Variants in CD59 observed in about 807,000 individuals in gnomAD.
CD59 encodes CD59 molecule (CD59 blood group).
Under a neutral mutation model 7.0 loss-of-function variants are expected in CD59, and 3 were observed. The ratio of observed to expected loss-of-function variants is 0.43; its 90% CI spans 0.19 to 1.10. The LOEUF (loss-of-function observed/expected upper bound fraction) is 1.10. Ranked by LOEUF, CD59 falls within the 50% of genes least tolerant of loss-of-function variation. The pLI, the probability that CD59 is intolerant of heterozygous loss-of-function variation, is 0.29. For synonymous variants in CD59, 60 were observed against 62.0 expected (o/e 0.97, Z 0.15); for missense variants, 143 against 151.0 (o/e 0.95, Z 0.28).
At chr11:33,734,525 G>C (rs1854508935) in intron 1 of CD59, among the ~76,000 whole-genome samples, 1 of 152,132 alleles carries the variant, frequency 6.6e-6, no homozygotes, top group Non-Finnish European at 1.5e-5. Context: ...CTGTGTCCAA[G>C]TGTTCTCATT....
At position 33,706,505 on chromosome 11, in the gene CD59, A is replaced by G. The variant is rs1248805828; in HGVS notation, c.*3621T>C. 2.6e-5 allele frequency: 4 copies of G among 151,950 alleles called. No individual in the cohort carries two copies. In the East Asian group the frequency reaches 5.8e-4, roughly 22 times the overall value. The allele number at this position is 151,950 out of a possible 1,614,324, so 9.4% of individuals were successfully genotyped here. ...CAAATGCATTATCTCAAGCCTCACA[A>G]CAATTCTTTGAGGTAGACATAGAAA... On this transcript the variant is annotated 3_prime_UTR_variant, in exon 4 of 4. Transcript: ENST00000642928.
rs1443184058 is a variant in CD59 at position 33,707,553 on chromosome 11, T to G, written c.*2573A>C. 6.6e-5 allele frequency: 10 copies of G among 152,414 alleles called. No individual in the cohort carries two copies. The highest frequency in any genetic ancestry group is 4.6e-4 in the Admixed American group (7 of 15,312). 9.4% of individuals were successfully genotyped at this position (152,414 alleles called of 1,614,324 possible). A position where few individuals can be genotyped will look rare whatever the true frequency, so the allele number is the denominator to read the frequency against. ...CAATGGGCTTATCACCACCCAATAC[T>G]GAACACTATGACAGTTCCTGTAAAT... On this transcript the variant is annotated 3_prime_UTR_variant, in exon 4 of 4. Coordinates refer to ENST00000642928, the MANE Select transcript of CD59 (RefSeq NM_000611.6).
At position 33,708,692 on chromosome 11, in the gene CD59, A is replaced by G. The variant is rs920116101; in HGVS notation, c.*1434T>C. ...AAGGTAATGCTAAGTTTTGATAAGCAAGTTTCTATTTTCCTATGTTCAGGG... is the reference window on the plus strand; with the variant it reads ...AAGGTAATGCTAAGTTTTGATAAGCGAGTTTCTATTTTCCTATGTTCAGGG... On this transcript the variant is annotated 3_prime_UTR_variant, in exon 4 of 4. Coordinates refer to ENST00000642928, the MANE Select transcript of CD59 (RefSeq NM_000611.6). 1.3e-5 allele frequency: 2 copies of G among 152,124 alleles called. No individual in the cohort carries two copies. Among genetic ancestry groups the G allele is most frequent in the African/African-American group, 4.8e-5 (2 of 41,438 alleles). The allele number at this position is 152,124 out of a possible 1,614,324, so 9.4% of individuals were successfully genotyped here. A position where few individuals can be genotyped will look rare whatever the true frequency, so the allele number is the denominator to read the frequency against.
chr11:33,704,808 TCTTCCTGG>T lies in CD59; in HGVS notation c.*5310_*5317del. 6.6e-6 allele frequency: 1 copy of T among 152,556 alleles called. No individual in the cohort carries two copies. Among genetic ancestry groups the T allele is most frequent in the Non-Finnish European group, 1.5e-5 (1 of 68,032 alleles). 9.5% of individuals were successfully genotyped at this position (152,556 alleles called of 1,614,324 possible). A position where few individuals can be genotyped will look rare whatever the true frequency, so the allele number is the denominator to read the frequency against. On this transcript the variant is annotated 3_prime_UTR_variant, in exon 4 of 4. Transcript: ENST00000642928. The stretch of plus-strand genomic sequence containing the variant: ...CACACGGCCTCTAGTCTCCTACCCC[TCTTCCTGG>T]CAGGAGGCTGGCTCTGACAGGAGGT...
At chr11:33,730,727 T>C (rs796387905) in intron 1 of CD59, among the ~76,000 whole-genome samples, 16 of 152,344 alleles carry the variant, frequency 1.1e-4, no homozygotes, top group African/African-American at 3.6e-4. Context: ...AGTATTTTCT[T>C]TATCGTGTTA....
At chr11:33,729,316 CTA>C (rs1466398901) in intron 1 of CD59, among the ~76,000 whole-genome samples, 1 of 152,134 alleles carries the variant, frequency 6.6e-6, no homozygotes, top group African/African-American at 2.4e-5. Flanking sequence ...CCATGGAATA[CTA>C]TGAGTTATAG....
chr11:33,730,134 G>A (rs992879470), intron 1 of CD59, among the ~76,000 whole-genome samples: 3 of 151,998 alleles, frequency 2.0e-5, no homozygotes, highest in Non-Finnish European at 4.4e-5. Flanking sequence ...CTATTATAAA[G>A]TTAAAATGTG....
At chr11:33,711,163 T>C (rs187490727) in intron 3 of CD59, among the ~76,000 whole-genome samples, 4 of 151,540 alleles carry the variant, frequency 2.6e-5, no homozygotes, top group Admixed American at 2.6e-4. Context: ...AGGGAGAAAA[T>C]GTTTGCAAAT....
chr11:33,713,469 T>C (rs893909893), intron 3 of CD59, among the ~76,000 whole-genome samples: 2 of 152,192 alleles, frequency 1.3e-5, no homozygotes, highest in African/African-American at 4.8e-5. Flanking sequence ...GGGATGGGTA[T>C]CTGGATTGGA....
Position 33,704,694 on chromosome 11 carries a change from C to T in CD59, c.*5432G>A, listed in dbSNP as rs1853239260. Reference sequence around the variant, plus strand: ...GAGGGTCGCCGATTAGCATCAGAGCCGGCATTTCAAATAGACAGGCCAGCT... The same window carrying T: ...GAGGGTCGCCGATTAGCATCAGAGCTGGCATTTCAAATAGACAGGCCAGCT... On this transcript the variant is annotated 3_prime_UTR_variant, in exon 4 of 4. Coordinates refer to ENST00000642928, the MANE Select transcript of CD59 (RefSeq NM_000611.6). 1 of 152,268 alleles carries T rather than the reference C, an allele frequency of 6.6e-6. No homozygotes were observed. Among genetic ancestry groups the T allele is most frequent in the Non-Finnish European group, 1.5e-5 (1 of 68,012 alleles). 9.4% of individuals were successfully genotyped at this position (152,268 alleles called of 1,614,324 possible).
At chr11:33,716,838 CT>C (rs1433435318) in intron 3 of CD59, among the ~76,000 whole-genome samples, 1 of 152,184 alleles carries the variant, frequency 6.6e-6, no homozygotes, top group Non-Finnish European at 1.5e-5. Flanking sequence ...CCTACGTGTC[CT>C]TTGAGCTCAG....
rs1366812388 is a variant in CD59 at position 33,709,459 on chromosome 11, T to G, written c.*667A>C. On this transcript the variant is annotated 3_prime_UTR_variant, in exon 4 of 4. Transcript: ENST00000642928. Reference sequence around the variant, plus strand: ...ATAGCTTTAACACACCATTGATGTATGCTATTACACTTTTCCAGTGGAAGA... The same window carrying G: ...ATAGCTTTAACACACCATTGATGTAGGCTATTACACTTTTCCAGTGGAAGA... The G allele has an allele frequency of 3.8e-5, 6 of 159,314 alleles. No homozygotes were observed. The highest frequency in any genetic ancestry group is 5.6e-5 in the Non-Finnish European group (4 of 71,810). 9.9% of individuals were successfully genotyped at this position (159,314 alleles called of 1,614,324 possible).
intron 3 of CD59, 49 bp from the exon 4 acceptor site, chr11:33,710,392 G>A (rs1165726374): frequency 1.4e-6 from 2 of 1,417,228 alleles, no homozygotes; most frequent in Non-Finnish European, 2.0e-6. Flanking sequence ...GAAGAGTTCT[G>A]TATCTGCTTT....
intron 1 of CD59, among the ~76,000 whole-genome samples, chr11:33,726,387 C>T (rs910878954): frequency 3.9e-5 from 6 of 152,136 alleles, no homozygotes; most frequent in Non-Finnish European, 8.8e-5. Flanking sequence ...CACTCAAAAC[C>T]GCACAACTAC....
chr11:33,725,030 A>T (rs831624), intron 1 of CD59, among the ~76,000 whole-genome samples: 1 of 152,154 alleles, frequency 6.6e-6, no homozygotes. Context: ...ATTGTTTTAA[A>T]GCTATTTTAT....
chr11:33,718,254 G>A (rs1193067245), intron 2 of CD59: 1 of 152,466 alleles, frequency 6.6e-6, no homozygotes, highest in East Asian at 1.9e-4. Context: ...AAGCCGAGGA[G>A]GGTGGATCAC....
At chr11:33,711,856 T>C (rs117898548) in intron 3 of CD59, among the ~76,000 whole-genome samples, 5 of 152,140 alleles carry the variant, frequency 3.3e-5, no homozygotes, top group African/African-American at 1.2e-4. Flanking sequence ...AAATGGTAAA[T>C]AGCAAATGTT....
rs1239724479 is a variant in CD59 at position 33,709,663 on chromosome 11, G to T, written c.*463C>A. 1 of 237,956 alleles carries T rather than the reference G, an allele frequency of 4.2e-6. No individual in the cohort carries two copies. Among genetic ancestry groups the T allele is most frequent in the African/African-American group, 2.3e-5 (1 of 44,256 alleles). 14.7% of individuals were successfully genotyped at this position (237,956 alleles called of 1,614,324 possible). Reference sequence around the variant, plus strand: ...ACTGACACCCACATATGGAACATTTGGCATGCCTCCATGGCAACACGGGAT... The same window carrying T: ...ACTGACACCCACATATGGAACATTTTGCATGCCTCCATGGCAACACGGGAT... On this transcript the variant is annotated 3_prime_UTR_variant, in exon 4 of 4. Transcript: ENST00000642928.
intron 3 of CD59, among the ~76,000 whole-genome samples, chr11:33,713,253 G>C (rs543657657): frequency 6.6e-6 from 1 of 152,290 alleles, no homozygotes; most frequent in Non-Finnish European, 1.5e-5. Context: ...CTGAGTGCCT[G>C]TGTGCTAGAT....
Sources: gnomAD v4.1 joint callset for allele counts (sites outside exome capture counted in the v4.1 genomes callset) on GRCh38, gnomAD v4.1.1 for gene constraint, MANE v1.5 for transcripts, NCBI Gene and HGNC (gene_info 2026-07-23, HGNC 2026-07-21) for gene names.